ERBB4: variants seen among roughly 807,000 people sequenced by gnomAD.
ERBB4 encodes receptor tyrosine-protein kinase erbB-4.
In ERBB4, 42 loss-of-function variants were observed where a neutral mutation model predicts 158.0. The ratio of observed to expected loss-of-function variants is 0.27; its 90% CI spans 0.21 to 0.34. ERBB4 has a LOEUF of 0.34. Ranked by LOEUF, ERBB4 falls within the 10% of genes least tolerant of loss-of-function variation. The pLI is 1.00. For missense variants in ERBB4, 1,333 were observed against 1,624.1 expected, an observed-to-expected ratio of 0.82 and a Z score of 3.08; for synonymous variants, 583 against 558.7, an observed-to-expected ratio of 1.04 and a Z score of -0.61.
chr2:212,275,605 T>C (rs543095742), intron 1 of ERBB4, among the ~76,000 whole-genome samples: 1 of 151,932 alleles, frequency 6.6e-6, no homozygotes, highest in East Asian at 1.9e-4. Context: ...AGAAATAAAA[T>C]TCTTTACAGA....
chr2:211,609,061 C>T (rs1034243306), intron 19 of ERBB4, among the ~76,000 whole-genome samples: 3 of 152,056 alleles, frequency 2.0e-5, no homozygotes, highest in African/African-American at 7.2e-5. Context: ...GAATGAAGGC[C>T]TCAGCAGCAG....
chr2:211,856,726 A>G (rs934025958), intron 3 of ERBB4, among the ~76,000 whole-genome samples: 5 of 152,132 alleles, frequency 3.3e-5, no homozygotes, highest in African/African-American at 1.2e-4. Context: ...GAAAGAAAGC[A>G]GACTTCTGGA....
intron 19 of ERBB4, among the ~76,000 whole-genome samples, chr2:211,584,543 T>C (rs1282177683): frequency 2.0e-5 from 3 of 152,118 alleles, no homozygotes; most frequent in Non-Finnish European, 4.4e-5. Context: ...GAGTGTGATA[T>C]ATTTTGATTT....
At chr2:211,950,313 G>A (rs1382340040) in intron 2 of ERBB4, among the ~76,000 whole-genome samples, 1 of 152,140 alleles carries the variant, frequency 6.6e-6, no homozygotes, top group Non-Finnish European at 1.5e-5. Context: ...GTAGGCTAGA[G>A]TGTTCAAAAA....
At chr2:211,863,583 G>T (rs1199694866) in intron 3 of ERBB4, among the ~76,000 whole-genome samples, 1 of 152,144 alleles carries the variant, frequency 6.6e-6, no homozygotes, top group Admixed American at 6.5e-5. Flanking sequence ...ACCTTTAAGA[G>T]CTGTAACACT....
Position 211,384,007 on chromosome 2 carries a change from C to A in ERBB4, c.3535G>T (p.Asp1179Tyr). 2.5e-6 allele frequency: 4 copies of A among 1,613,972 alleles called. No homozygotes were observed. Among genetic ancestry groups the A allele is most frequent in the Non-Finnish European group, 2.5e-6 (3 of 1,179,956 alleles). ...NPFVSRRKNG[D>Y]LQALDNPEYH... The stretch of plus-strand genomic sequence containing the variant: ...TCGGGATTATCCAATGCTTGAAGGT[C>A]TCCATTTTTTCTCCGAGAAACAAAA... The change falls in exon 28 of 28, where the codon GAC becomes TAC. Residue 1179 changes from aspartate (D) to tyrosine (Y), a missense_variant. By Grantham distance (160) the Asp-to-Tyr change is radical. This residue lies in a region of ERBB4 where 252 missense variants were observed against 241.3 expected (regional missense o/e 1.04). Transcript: ENST00000342788.
At chr2:212,088,548 T>C (rs2125486669) in intron 2 of ERBB4, among the ~76,000 whole-genome samples, 1 of 152,212 alleles carries the variant, frequency 6.6e-6, no homozygotes, top group African/African-American at 2.4e-5. Flanking sequence ...ACTTTAGAGA[T>C]GAAATTCACA....
intron 1 of ERBB4, among the ~76,000 whole-genome samples, chr2:212,354,890 G>A (rs529835139): frequency 1.3e-5 from 2 of 151,808 alleles, no homozygotes; most frequent in East Asian, 3.9e-4. Flanking sequence ...TTTTCAGGAG[G>A]CCCCTATTAG....
At chr2:212,255,435 T>C (rs751409768) in intron 1 of ERBB4, among the ~76,000 whole-genome samples, 12 of 152,128 alleles carry the variant, frequency 7.9e-5, no homozygotes, top group Non-Finnish European at 1.5e-4. Context: ...ATTATGTTTG[T>C]TGTACAAAAG....
At chr2:212,008,847 G>A (rs2076315087) in intron 2 of ERBB4, among the ~76,000 whole-genome samples, 1 of 152,072 alleles carries the variant, frequency 6.6e-6, no homozygotes, top group African/African-American at 2.4e-5. Context: ...CCTAAAATAA[G>A]TCTATTCATT....
intron 1 of ERBB4, among the ~76,000 whole-genome samples, chr2:212,479,468 A>G (rs1370360396): frequency 6.6e-6 from 1 of 152,214 alleles, no homozygotes; most frequent in Non-Finnish European, 1.5e-5. Flanking sequence ...GCAACTTTTT[A>G]TAAACACAAG....
intron 1 of ERBB4, among the ~76,000 whole-genome samples, chr2:212,237,950 G>T (rs1243326066): frequency 2.6e-5 from 4 of 152,166 alleles, no homozygotes; most frequent in African/African-American, 7.2e-5. Flanking sequence ...AGTGTCCCAG[G>T]TTGACTTCAG....
At chr2:211,948,244 G>A (rs2080759038) in intron 2 of ERBB4, among the ~76,000 whole-genome samples, 1 of 151,902 alleles carries the variant, frequency 6.6e-6, no homozygotes, top group African/African-American at 2.4e-5. Flanking sequence ...AGACCATTCT[G>A]GCCAACATGG....
At chr2:211,758,931 C>T (rs141397931) in intron 4 of ERBB4, among the ~76,000 whole-genome samples, 1 of 152,338 alleles carries the variant, frequency 6.6e-6, no homozygotes, top group African/African-American at 2.4e-5. Flanking sequence ...GATATGCAAA[C>T]TTATACTTCC....
intron 3 of ERBB4, among the ~76,000 whole-genome samples, chr2:211,808,592 G>C (rs2076674351): frequency 1.3e-5 from 2 of 152,120 alleles, no homozygotes; most frequent in African/African-American, 4.8e-5. Flanking sequence ...TTTTGCTTAG[G>C]ATTGTCTTGG....
intron 20 of ERBB4, among the ~76,000 whole-genome samples, chr2:211,469,965 G>A (rs1173534375): frequency 6.6e-6 from 1 of 151,984 alleles, no homozygotes; most frequent in African/African-American, 2.4e-5. Context: ...AGATACCTGA[G>A]GAATTGGGGT....
intron 1 of ERBB4, among the ~76,000 whole-genome samples, chr2:212,352,191 AG>A (rs1344314668): frequency 1.3e-5 from 2 of 152,230 alleles, no homozygotes; most frequent in South Asian, 2.1e-4. Flanking sequence ...GAGGAGGGAG[AG>A]GATCAGAAAA....
rs534905185 is a variant in ERBB4, at chr2:211,846,343, TA to T, written c.422-58185del. 2.6e-5 allele frequency among the ~76,000 whole-genome samples: 4 copies of T among 152,256 alleles called. No homozygotes were observed. The East Asian group carries it at 7.7e-4, about 29-fold the overall frequency. ...GATCAAAAAATTTAATCAGAATGCT[TA>T]AAATGCAATTACATTCATCAGGGTG... is the stretch of plus-strand genomic sequence containing the variant. On this transcript the variant is annotated intron_variant, in intron 3 of 27. Coordinates refer to ENST00000342788, the MANE Select transcript of ERBB4 (RefSeq NM_005235.3).
intron 1 of ERBB4, among the ~76,000 whole-genome samples, chr2:212,155,200 T>C (rs2080996019): frequency 6.6e-6 from 1 of 152,140 alleles, no homozygotes; most frequent in African/African-American, 2.4e-5. Context: ...GAGAAAAATG[T>C]TGATGCGACA....
Sources: gnomAD v4.1 joint callset for allele counts (sites outside exome capture counted in the v4.1 genomes callset) on GRCh38, gnomAD v4.1.1 for gene constraint, gnomAD v4.1.1 regional missense constraint, MANE v1.5 for transcripts, NCBI Gene and HGNC (gene_info 2026-07-23, HGNC 2026-07-21) for gene names.